The following UQCRH variants were observed in gnomAD, a reference collection of about 807,000 sequenced individuals.
The protein encoded by UQCRH is cytochrome b-c1 complex subunit 6, mitochondrial.
A neutral mutation model predicts 16.3 loss-of-function variants in UQCRH; 14 were observed. The observed-to-expected ratio is 0.86, with a 90% confidence interval of 0.57 to 1.34. The LOEUF (loss-of-function observed/expected upper bound fraction) is 1.34, where lower values mean the gene tolerates loss of function less well. Among genes scored for constraint, UQCRH ranks in the 40% most tolerant of loss-of-function variants. The pLI, the probability that UQCRH is intolerant of heterozygous loss-of-function variation, is 0.00. For missense variants in UQCRH, 89 were observed against 111.9 expected (o/e 0.80, Z 0.92); for synonymous variants, 41 against 41.9 (o/e 0.98, Z 0.08).
At chr1:46,316,057 C>T (rs960850360) in intron 3 of UQCRH, among the ~76,000 whole-genome samples, 2 of 152,030 alleles carry the variant, frequency 1.3e-5, no homozygotes, top group African/African-American at 4.8e-5. Context: ...TTAACTGAAC[C>T]CCCCGCCCCG....
chr1:46,311,014 G>A (rs1172719479), intron 3 of UQCRH, among the ~76,000 whole-genome samples: 1 of 151,238 alleles, frequency 6.6e-6, no homozygotes, highest in Admixed American at 6.6e-5. Flanking sequence ...CTTGCAGTGA[G>A]CCGAGATTGC....
chr1:46,305,657 G>A (rs542108714), intron 1 of UQCRH, among the ~76,000 whole-genome samples: 2 of 152,138 alleles, frequency 1.3e-5, no homozygotes, highest in Admixed American at 1.3e-4. Context: ...GAGAGGCTGA[G>A]GCAGAATGGC....
intron 3 of UQCRH, among the ~76,000 whole-genome samples, chr1:46,313,608 G>A (rs1204272515): frequency 3.3e-5 from 5 of 152,172 alleles, no homozygotes; most frequent in Non-Finnish European, 7.4e-5. Context: ...CAGCCTGGGC[G>A]ACAGAGCGAG....
At chr1:46,303,919 C>G in intron 1 of UQCRH, 99 bp downstream of exon 1, 1 of 1,534,050 alleles carries the variant, frequency 6.5e-7, no homozygotes, top group Non-Finnish European at 8.9e-7. Flanking sequence ...CCAGTTTACC[C>G]TCTAGGGTTT....
At chr1:46,314,823 G>A in intron 3 of UQCRH, among the ~76,000 whole-genome samples, 1 of 129,658 alleles carries the variant, frequency 7.7e-6, no homozygotes, top group Admixed American at 8.5e-5. Context: ...CATAGAGACA[G>A]AAAGTAGAAT....
intron 2 of UQCRH, 166 bp from the exon 3 acceptor site, chr1:46,309,989 A>G (rs1661437969): frequency 6.7e-7 from 1 of 1,483,234 alleles, no homozygotes; most frequent in Non-Finnish European, 8.9e-7. Flanking sequence ...TGAATGGGAG[A>G]CCGCATTCTG....
rs1041605130 is a variant in UQCRH at position 46,316,639 on chromosome 1, T to C, written c.*55T>C. The C allele has an allele frequency of 6.2e-7, 1 of 1,608,152 alleles. No individual in the cohort carries two copies. Among genetic ancestry groups the C allele is most frequent in the African/African-American group, 1.3e-5 (1 of 74,566 alleles). On this transcript the variant is annotated 3_prime_UTR_variant, in exon 4 of 4. Coordinates refer to ENST00000311672, the MANE Select transcript of UQCRH (RefSeq NM_006004.4). Reference sequence around the variant, plus strand: ...ATCATCTGGGCATCAGAATATTTCCTTATGGTTTTGGATGTACCATTTGTT... The same window carrying C: ...ATCATCTGGGCATCAGAATATTTCCCTATGGTTTTGGATGTACCATTTGTT...
intron 3 of UQCRH, among the ~76,000 whole-genome samples, chr1:46,314,709 G>A (rs7528900): frequency 2.0e-5 from 3 of 151,434 alleles, no homozygotes; most frequent in African/African-American, 7.3e-5. Context: ...ACTCTGACAC[G>A]TGCTGCAACA....
At chr1:46,304,022 G>T (rs1661311970) in intron 1 of UQCRH, among the ~76,000 whole-genome samples, 1 of 152,210 alleles carries the variant, frequency 6.6e-6, no homozygotes, top group Admixed American at 6.5e-5. Flanking sequence ...CTGGGCCTCG[G>T]CTTCTGCATT....
intron 3 of UQCRH, among the ~76,000 whole-genome samples, chr1:46,315,688 T>C (rs1297067754): frequency 6.7e-6 from 1 of 149,390 alleles, no homozygotes; most frequent in Non-Finnish European, 1.5e-5. Context: ...TTTAACAAAA[T>C]AAGTACTGAA....
intron 1 of UQCRH, 33 bp from the exon 2 acceptor site, chr1:46,309,068 G>A: frequency 6.2e-7 from 1 of 1,610,432 alleles, no homozygotes; most frequent in Non-Finnish European, 8.5e-7. Flanking sequence ...TCATAAAATT[G>A]CTGCTGACAT....
rs751232369 is a variant in UQCRH at position 46,310,159 on chromosome 1, C to G, written c.86C>G (p.Pro29Arg). The G allele has an allele frequency of 1.2e-6, 2 of 1,614,138 alleles. No individual in the cohort carries two copies. Among genetic ancestry groups the G allele is most frequent in the South Asian group, 2.2e-5 (2 of 91,078 alleles). Reference sequence around the variant, plus strand: ...TTTTTTCTGTTTCTACATCAGGATCCCCTAACAACAGTGAGAGAGCAATGC... The same window carrying G: ...TTTTTTCTGTTTCTACATCAGGATCGCCTAACAACAGTGAGAGAGCAATGC... ...EEEEEEELVD[P>R]LTTVREQCEQ... is the part of the protein sequence containing the mutation. Residue 29 changes from proline to arginine, a missense_variant, in exon 3 of 4, where the codon CCC (proline) becomes CGC (arginine). Transcript: ENST00000311672.
At chr1:46,314,894 T>A (rs1661551974) in intron 3 of UQCRH, among the ~76,000 whole-genome samples, 1 of 152,174 alleles carries the variant, frequency 6.6e-6, no homozygotes, top group Admixed American at 6.5e-5. Flanking sequence ...ATGGATATAG[T>A]TTTGATTTAG....
chr1:46,311,236 T>C (rs891404284), intron 3 of UQCRH, among the ~76,000 whole-genome samples: 11 of 151,584 alleles, frequency 7.3e-5, no homozygotes, highest in Admixed American at 6.6e-5. Context: ...AGCTGGATTT[T>C]GTACTTTTCA....
At chr1:46,303,922 T>G in intron 1 of UQCRH, 102 bp downstream of exon 1, 1 of 1,503,474 alleles carries the variant, frequency 6.7e-7, no homozygotes, top group African/African-American at 1.4e-5. Flanking sequence ...GTTTACCCTC[T>G]AGGGTTTGCA....
intron 1 of UQCRH, among the ~76,000 whole-genome samples, chr1:46,304,618 C>G (rs927737165): frequency 2.0e-5 from 3 of 152,098 alleles, no homozygotes; most frequent in African/African-American, 7.2e-5. Flanking sequence ...AACTCCTGAC[C>G]TAGTGATCCG....
In UQCRH at chr1:46,316,432, G is replaced by T. The variant is rs895434892; in HGVS notation, c.244-120G>T. On this transcript the variant is annotated intron_variant, in intron 3 of 3. Transcript: ENST00000311672. ...GTTCACTAGGACTCAAGTGCTGCTT[G>T]CCTATGTGAGAAGGGGAGTGGTGAG... 2.9e-5 allele frequency: 39 copies of T among 1,329,620 alleles called. No homozygotes were observed. In the East Asian group the frequency reaches 9.3e-4, roughly 32 times the overall value. 82.4% of individuals were successfully genotyped at this position (1,329,620 alleles called of 1,614,324 possible).
At position 46,316,730 on chromosome 1, in the gene UQCRH, G is replaced by T; in HGVS notation, c.*146G>T. The T allele has an allele frequency of 8.6e-7, 1 of 1,160,406 alleles. No homozygotes were observed. Among genetic ancestry groups the T allele is most frequent in the Non-Finnish European group, 1.2e-6 (1 of 843,016 alleles). The allele number at this position is 1,160,406 out of a possible 1,614,324, so 71.9% of individuals were successfully genotyped here. The stretch of plus-strand genomic sequence containing the variant: ...TTTGGCTTAGGCTGGTAGCTTCTAT[G>T]TAATTCGCAATGATTCCATCTAAAT... On this transcript the variant is annotated 3_prime_UTR_variant, in exon 4 of 4. Coordinates refer to ENST00000311672, the MANE Select transcript of UQCRH (RefSeq NM_006004.4).
In UQCRH at chr1:46,316,559, A is replaced by G. The variant is rs759514010; in HGVS notation, c.251A>G (p.His84Arg). 9.3e-6 allele frequency: 15 copies of G among 1,613,450 alleles called. No individual in the cohort carries two copies. The highest frequency in any genetic ancestry group is 1.3e-5 in the Non-Finnish European group (15 of 1,179,784). The change falls in exon 4 of 4, where the codon CAC (histidine) becomes CGC (arginine). Residue 84 changes from histidine (H) to arginine (R), a missense_variant. Transcript: ENST00000311672. ...TTTCTTTCCCCCATCTAGGTGGCCCACAAACTCTTTAACAACTTGAAATAA... is the reference window on the plus strand; with the variant it reads ...TTTCTTTCCCCCATCTAGGTGGCCCGCAAACTCTTTAACAACTTGAAATAA... ...FLHARDHCVAHKLFNNLK is the reference protein window; with the variant it reads ...FLHARDHCVARKLFNNLK
Sources: gnomAD v4.1 joint callset for allele counts (sites outside exome capture counted in the v4.1 genomes callset) on GRCh38, gnomAD v4.1.1 for gene constraint, MANE v1.5 for transcripts, NCBI Gene and HGNC (gene_info 2026-07-23, HGNC 2026-07-21) for gene names.